The following NSL1 variants were observed in gnomAD, a reference collection of about 807,000 sequenced individuals.
NSL1 encodes the protein kinetochore-associated protein NSL1 homolog.
Under a neutral mutation model 25.4 loss-of-function variants are expected in NSL1, and 11 were observed. The ratio of observed to expected loss-of-function variants is 0.43; its 90% confidence interval spans 0.27 to 0.72. The LOEUF (loss-of-function observed/expected upper bound fraction) is 0.72. NSL1 is among the 30% of genes least tolerant of loss of function. The pLI, the probability that NSL1 is intolerant of heterozygous loss-of-function variation, is 0.19. For synonymous variants in NSL1, 118 were observed against 120.6 expected, an observed-to-expected ratio of 0.98 and a Z score of 0.14; for missense variants, 330 against 342.7, an observed-to-expected ratio of 0.96 and a Z score of 0.29.
At chr1:212,749,000 G>T (rs1658935587) in intron 4 of NSL1, among the ~76,000 whole-genome samples, 2 of 151,972 alleles carry the variant, frequency 1.3e-5, no homozygotes, top group African/African-American at 4.8e-5. Flanking sequence ...AATAGGCACA[G>T]TATTAAAAAA....
At chr1:212,745,160 C>CTATATA (rs59293969) in intron 4 of NSL1, among the ~76,000 whole-genome samples, 191 of 117,484 alleles carry the variant, frequency 1.6e-3, no homozygotes, top group African/African-American at 4.1e-3. Flanking sequence ...AACAAACAAA[C>CTATATA]TATATATATA....
intron 4 of NSL1, among the ~76,000 whole-genome samples, chr1:212,743,228 G>C (rs112622659): frequency 6.6e-6 from 1 of 151,780 alleles, no homozygotes; most frequent in Non-Finnish European, 1.5e-5. Context: ...GCAGTGGTGC[G>C]ATCTCAGCTC....
At position 212,739,603 on chromosome 1, in the gene NSL1, T is replaced by C; in HGVS notation, c.500-2A>G. 6.2e-7 allele frequency: 1 copy of C among 1,613,054 alleles called. No homozygotes were observed. The highest frequency in any genetic ancestry group is 8.5e-7 in the Non-Finnish European group (1 of 1,179,450). ...ATTTCAAATTTTCCATATGAGGGGC[T>C]GCAAAAACATTGCCAAACAGTATTT... On this transcript the variant is annotated splice_acceptor_variant, in intron 4 of 5. Coordinates refer to ENST00000366977, the MANE Select transcript of NSL1 (RefSeq NM_015471.4). LOFTEE classifies it high-confidence loss of function.
At chr1:212,784,242 C>A in intron 3 of NSL1, 121 bp downstream of exon 3, 2 of 592,442 alleles carry the variant, frequency 3.4e-6, no homozygotes, top group South Asian at 2.6e-5. Flanking sequence ...ACAAACAATA[C>A]TAATTGAGGC....
At position 212,733,963 on chromosome 1, in the gene NSL1, T is replaced by G. The variant is rs1441134083; in HGVS notation, c.*4445A>C. Among the ~76,000 whole-genome samples the G allele has an allele frequency of 6.6e-6, 1 of 152,212 alleles. No individual in the cohort carries two copies. The highest frequency in any genetic ancestry group is 6.5e-5 in the Admixed American group (1 of 15,282). On this transcript the variant is annotated 3_prime_UTR_variant, in exon 6 of 6. Coordinates refer to ENST00000366977, the MANE Select transcript of NSL1 (RefSeq NM_015471.4). ...AACTTATTCTCTTTATTCTTACTTTTCTAATTTGCCATTTCTTAATCTTTC... is the reference window on the plus strand; with the variant it reads ...AACTTATTCTCTTTATTCTTACTTTGCTAATTTGCCATTTCTTAATCTTTC...
chr1:212,782,752 A>G (rs1203103455), intron 3 of NSL1, among the ~76,000 whole-genome samples: 1 of 152,192 alleles, frequency 6.6e-6, no homozygotes, highest in Non-Finnish European at 1.5e-5. Context: ...TTATGAAGGG[A>G]CTGTGTTTCA....
chr1:212,759,698 C>G (rs1273325764), intron 4 of NSL1, among the ~76,000 whole-genome samples: 1 of 152,152 alleles, frequency 6.6e-6, no homozygotes, highest in African/African-American at 2.4e-5. Context: ...CTCCACATCC[C>G]TGGAGCCTTG....
At chr1:212,768,976 G>T (rs1325581109) in intron 4 of NSL1, among the ~76,000 whole-genome samples, 1 of 152,056 alleles carries the variant, frequency 6.6e-6, no homozygotes, top group African/African-American at 2.4e-5. Context: ...CTCCCAGGAG[G>T]TGGAGGCTGC....
In NSL1 at chr1:212,732,583, C is replaced by T. The variant is rs923776650; in HGVS notation, c.*5825G>A. The stretch of plus-strand genomic sequence containing the variant: ...TGCTGGGATTACAGGTGTGAGCCAC[C>T]GCACCCGGCCTACATAGTCTTATTC... On this transcript the variant is annotated 3_prime_UTR_variant, in exon 6 of 6. Coordinates refer to ENST00000366977, the MANE Select transcript of NSL1 (RefSeq NM_015471.4). 6.5e-5 allele frequency: 64 copies of T among 982,792 alleles called. No homozygotes were observed. The highest frequency in any genetic ancestry group is 7.6e-5 in the Non-Finnish European group (63 of 827,732). 60.9% of individuals were successfully genotyped at this position (982,792 alleles called of 1,614,324 possible). A position where few individuals can be genotyped will look rare whatever the true frequency, so the allele number is the denominator to read the frequency against.
At chr1:212,774,269 CAAT>C (rs1481543341) in intron 4 of NSL1, among the ~76,000 whole-genome samples, 1 of 151,990 alleles carries the variant, frequency 6.6e-6, no homozygotes, top group Non-Finnish European at 1.5e-5. Context: ...CACAAAGAAA[CAAT>C]AAATATTTAA....
At position 212,760,568 on chromosome 1, in the gene NSL1, G is replaced by A. The variant is rs1037381582; in HGVS notation, c.500-20967C>T. ...ATCATCACCACCACCATCACCGCCA[G>A]GACCCCCCTAAATGTGCTCTGGGGG... On this transcript the variant is annotated intron_variant, in intron 4 of 5. Transcript: ENST00000366977. The surrounding 1 kb of genome is among the most constrained non-coding windows in gnomAD (Gnocchi z 4.3). Among the ~76,000 whole-genome samples, 2 of 151,992 alleles carry A rather than the reference G, an allele frequency of 1.3e-5. No individual in the cohort carries two copies. Among genetic ancestry groups the A allele is most frequent in the African/African-American group, 4.8e-5 (2 of 41,368 alleles).
At chr1:212,752,501 C>T (rs1384145454) in intron 4 of NSL1, among the ~76,000 whole-genome samples, 3 of 151,986 alleles carry the variant, frequency 2.0e-5, no homozygotes, top group East Asian at 1.9e-4. Flanking sequence ...TCCTTGCCAT[C>T]GCTACATGTT....
chr1:212,769,991 A>T (rs558189810), intron 4 of NSL1, among the ~76,000 whole-genome samples: 16 of 152,322 alleles, frequency 1.1e-4, no homozygotes, highest in African/African-American at 3.8e-4. Context: ...ACTAAAAGTG[A>T]AAAAATGGAA....
rs537425442 is a variant in NSL1 at position 212,728,465 on chromosome 1, T to C, written c.*9943A>G. ...TTCCTTTTCTTTGGGTAATCTTTTA[T>C]CTTGAACTACCAAGAGTAGATGAAT... is the stretch of plus-strand genomic sequence containing the variant. On this transcript the variant is annotated 3_prime_UTR_variant, in exon 6 of 6. Coordinates refer to ENST00000366977, the MANE Select transcript of NSL1 (RefSeq NM_015471.4). 1.0e-6 allele frequency: 1 copy of C among 985,474 alleles called. No homozygotes were observed. Among genetic ancestry groups the C allele is most frequent in the South Asian group, 4.7e-5 (1 of 21,290 alleles). The allele number at this position is 985,474 out of a possible 1,614,324, so 61.0% of individuals were successfully genotyped here. A position where few individuals can be genotyped will look rare whatever the true frequency, so the allele number is the denominator to read the frequency against.
At chr1:212,764,054 A>C (rs1659688944) in intron 4 of NSL1, 1 of 435,370 alleles carries the variant, frequency 2.3e-6, no homozygotes, top group Admixed American at 2.5e-5. Flanking sequence ...AATAAATTTA[A>C]GAAAATCAAA....
chr1:212,727,041 G>C lies in NSL1; in HGVS notation c.*11367C>G, dbSNP rs530666864. 6.8e-7 allele frequency: 1 copy of C among 1,467,644 alleles called. No homozygotes were observed. The highest frequency in any genetic ancestry group is 9.2e-7 in the Non-Finnish European group (1 of 1,089,832). The allele number at this position is 1,467,644 out of a possible 1,614,324, so 90.9% of individuals were successfully genotyped here. On this transcript the variant is annotated 3_prime_UTR_variant, in exon 6 of 6. Transcript: ENST00000366977. Reference sequence around the variant, plus strand: ...TACTCCGGCCTTGGAGATGACTGCCGAGAGAGGGAGGGCGGGCTCTGGGTC... The same window carrying C: ...TACTCCGGCCTTGGAGATGACTGCCCAGAGAGGGAGGGCGGGCTCTGGGTC...
intron 4 of NSL1, chr1:212,766,134 T>TC: frequency 5.8e-6 from 2 of 343,688 alleles, no homozygotes; most frequent in Non-Finnish European, 1.1e-5. Flanking sequence ...AGACTCCATC[T>TC]CAAAAAAAAA....
At chr1:212,746,900 C>A (rs1325215073) in intron 4 of NSL1, among the ~76,000 whole-genome samples, 2 of 152,168 alleles carry the variant, frequency 1.3e-5, no homozygotes, top group Non-Finnish European at 2.9e-5. Flanking sequence ...AATCCCAACA[C>A]TTTGGGAGGC....
At chr1:212,776,896 G>GACAA (rs887944144) in intron 4 of NSL1, among the ~76,000 whole-genome samples, 1 of 151,700 alleles carries the variant, frequency 6.6e-6, no homozygotes, top group African/African-American at 2.4e-5. Flanking sequence ...TAAAAAATAA[G>GACAA]ACAAACAAAT....
Sources: allele counts gnomAD v4.1 joint callset (sites outside exome capture counted in the v4.1 genomes callset), GRCh38; gene constraint gnomAD v4.1.1; non-coding constraint Gnocchi (gnomAD v3.1); transcripts MANE v1.5; gene names NCBI Gene and HGNC (gene_info 2026-07-23, HGNC 2026-07-21).